ATP2B2: variants seen among roughly 807,000 people sequenced by gnomAD.
ATP2B2 encodes the protein ATPase plasma membrane Ca2+ transporting 2.
A neutral mutation model predicts 120.0 loss-of-function variants in ATP2B2; 15 were observed. That is an observed-to-expected ratio of 0.12 (90% confidence interval 0.08 to 0.19). The LOEUF is 0.19. ATP2B2 is among the 10% of genes least tolerant of loss of function. The pLI, the probability that ATP2B2 is intolerant of heterozygous loss-of-function variation, is 1.00. For missense variants in ATP2B2, 1,045 were observed against 1,719.8 expected (o/e 0.61, Z 6.94); for synonymous variants, 694 against 700.3 (o/e 0.99, Z 0.14).
intron 1 of ATP2B2, among the ~76,000 whole-genome samples, chr3:10,454,702 T>C (rs1438641): frequency 0.021 from 3,214 of 152,332 alleles, 126 homozygotes; most frequent in African/African-American, 0.073. Context: ...TATGATATTA[T>C]ACAAATGATC....
intron 1 of ATP2B2, among the ~76,000 whole-genome samples, chr3:10,489,675 C>T (rs1397940384): frequency 6.6e-6 from 1 of 152,186 alleles, no homozygotes; most frequent in East Asian, 1.9e-4. Flanking sequence ...AGTCCCAAAG[C>T]CCTGTCAGCC....
intron 1 of ATP2B2, 66 bp downstream of exon 1, chr3:10,505,399 A>C (rs1185784118): frequency 6.6e-6 from 1 of 152,050 alleles, no homozygotes; most frequent in Non-Finnish European, 1.5e-5. Flanking sequence ...TGAGGGAGGA[A>C]GGGGAGAGTG....
At chr3:10,643,301 G>A (rs867951510) in intron 1 of ATP2B2, among the ~76,000 whole-genome samples, 1 of 152,196 alleles carries the variant, frequency 6.6e-6, no homozygotes, top group Non-Finnish European at 1.5e-5. Context: ...CTTGCTTGAA[G>A]GAGCATGCAG....
chr3:10,478,687 T>A (rs554402817), intron 1 of ATP2B2, among the ~76,000 whole-genome samples: 87 of 152,202 alleles, frequency 5.7e-4, no homozygotes, highest in Non-Finnish European at 1.1e-3. Flanking sequence ...TCCTATTCAT[T>A]TTCCTCCTTC....
rs116454687 is a variant in ATP2B2, at chr3:10,465,889, C to A, written c.-319-16027G>T. Among the ~76,000 whole-genome samples the A allele has an allele frequency of 9.5e-3, 1,442 of 152,288 alleles. 28 individuals are homozygous for A. Among genetic ancestry groups the A allele is most frequent in the African/African-American group, 0.033 (1,359 of 41,540 alleles). On this transcript the variant is annotated intron_variant, in intron 1 of 22. Coordinates refer to ENST00000360273, the MANE Select transcript of ATP2B2 (RefSeq NM_001001331.4). ...GGCACCAGGCCTGCACTGAGTTGGT[C>A]CCTAACCACCAGGTCCTTTACTGTG...
At chr3:10,589,213 T>C (rs991318160) in intron 2 of ATP2B2, among the ~76,000 whole-genome samples, 3 of 152,142 alleles carry the variant, frequency 2.0e-5, no homozygotes, top group African/African-American at 4.8e-5. Context: ...ATCCCCACTC[T>C]AGGGGATAAA....
At chr3:10,641,864 A>G (rs905952457) in intron 1 of ATP2B2, among the ~76,000 whole-genome samples, 73 of 152,044 alleles carry the variant, frequency 4.8e-4, no homozygotes, top group African/African-American at 1.7e-3. Context: ...CCACCTACCC[A>G]CTCATTTACC....
intron 13 of ATP2B2, 62 bp downstream of exon 13, chr3:10,359,820 A>G (rs1332124856): frequency 6.2e-7 from 1 of 1,610,220 alleles, no homozygotes; most frequent in African/African-American, 1.3e-5. Context: ...TATGACCCTG[A>G]CATCCCCAGC....
chr3:10,418,783 C>G (rs985504256), intron 2 of ATP2B2, among the ~76,000 whole-genome samples: 1 of 152,324 alleles, frequency 6.6e-6, no homozygotes, highest in Non-Finnish European at 1.5e-5. Context: ...ATCACGTCCC[C>G]CAAACTCTCC....
At chr3:10,429,075 G>A (rs973791285) in intron 2 of ATP2B2, among the ~76,000 whole-genome samples, 8 of 152,108 alleles carry the variant, frequency 5.3e-5, no homozygotes, top group Non-Finnish European at 8.8e-5. Flanking sequence ...CCCTGGCTTC[G>A]TCTCCCACCC....
intron 1 of ATP2B2, among the ~76,000 whole-genome samples, chr3:10,664,947 A>G (rs762688672): frequency 1.3e-5 from 2 of 152,068 alleles, no homozygotes; most frequent in African/African-American, 2.4e-5. Context: ...TCCATCACCA[A>G]TGTCAAAGGT....
At position 10,400,978 on chromosome 3, in the gene ATP2B2, C is replaced by A; in HGVS notation, c.756G>T (p.Val252=). Residue 252 remains valine, a synonymous_variant, in exon 5 of 23, where the codon GTG becomes GTT. Transcript: ENST00000360273. ...TGESDQVRKS[V]DKDPMLLSGT... ...CTGACAGCAGCATGGGGTCCTTGTC[C>A]ACGGACTTGCGCACCTGGTCAGACT... The A allele has an allele frequency of 6.2e-7, 1 of 1,614,094 alleles. No homozygotes were observed. The highest frequency in any genetic ancestry group is 8.5e-7 in the Non-Finnish European group (1 of 1,179,978).
chr3:10,698,141 C>T (rs1351758887), intron 1 of ATP2B2, among the ~76,000 whole-genome samples: 1 of 152,164 alleles, frequency 6.6e-6, no homozygotes, highest in Non-Finnish European at 1.5e-5. Flanking sequence ...CATTCCTCGG[C>T]CATGATTGGT....
intron 1 of ATP2B2, among the ~76,000 whole-genome samples, chr3:10,486,324 C>CGTGTGT (rs1553616064): frequency 5.3e-4 from 62 of 117,174 alleles, no homozygotes; most frequent in African/African-American, 1.6e-3. Flanking sequence ...TGTGTGCGTG[C>CGTGTGT]GTGTGTGTGT....
At chr3:10,392,169 G>A (rs747687141) in intron 5 of ATP2B2, among the ~76,000 whole-genome samples, 1 of 152,084 alleles carries the variant, frequency 6.6e-6, no homozygotes. Context: ...TGTCCTCTGG[G>A]CCTCCCCCGC....
chr3:10,463,490 T>C (rs2064588557), intron 1 of ATP2B2, among the ~76,000 whole-genome samples: 1 of 152,210 alleles, frequency 6.6e-6, no homozygotes, highest in Non-Finnish European at 1.5e-5. Context: ...AACCAGCAAA[T>C]CCACATATGA....
chr3:10,328,605 C>G lies in ATP2B2; in HGVS notation c.*209G>C. The G allele has an allele frequency of 1.6e-6, 1 of 610,620 alleles. No homozygotes were observed. Among genetic ancestry groups the G allele is most frequent in the South Asian group, 2.1e-5 (1 of 46,918 alleles). The allele number at this position is 610,620 out of a possible 1,614,324, so 37.8% of individuals were successfully genotyped here. A position where few individuals can be genotyped will look rare whatever the true frequency, so the allele number is the denominator to read the frequency against. The stretch of plus-strand genomic sequence containing the variant: ...CGTAAGCCCCCAGTGGAGATCCCGC[C>G]CCTTGCCTTGAAGTGAAAAAGAGTT... On this transcript the variant is annotated 3_prime_UTR_variant, in exon 23 of 23. Coordinates refer to ENST00000360273, the MANE Select transcript of ATP2B2 (RefSeq NM_001001331.4).
chr3:10,565,093 A>C (rs2067982687), intron 2 of ATP2B2, among the ~76,000 whole-genome samples: 1 of 152,226 alleles, frequency 6.6e-6, no homozygotes, highest in Admixed American at 6.5e-5. Context: ...CCTGGGACAC[A>C]GATCCCACCA....
At chr3:10,450,611 T>C (rs1358615185) in intron 1 of ATP2B2, among the ~76,000 whole-genome samples, 1 of 152,126 alleles carries the variant, frequency 6.6e-6, no homozygotes, top group East Asian at 1.9e-4. Context: ...GTCACAAGAA[T>C]GTCATTGAGC....
Sources: gnomAD v4.1 joint callset for allele counts (sites outside exome capture counted in the v4.1 genomes callset) on GRCh38, gnomAD v4.1.1 for gene constraint, MANE v1.5 for transcripts, NCBI Gene and HGNC (gene_info 2026-07-23, HGNC 2026-07-21) for gene names.